The following HPCAL1 variants were observed in gnomAD, a reference collection of about 807,000 sequenced individuals.
HPCAL1 encodes the protein hippocalcin like 1, also known as hippocalcin-like protein 1.
A neutral mutation model predicts 17.1 loss-of-function variants in HPCAL1; 8 were observed. The ratio of observed to expected loss-of-function variants is 0.47; its 90% CI spans 0.27 to 0.84. The LOEUF (loss-of-function observed/expected upper bound fraction) is 0.84, where lower values mean the gene tolerates loss of function less well. Among genes scored for constraint, HPCAL1 ranks in the 40% least tolerant of loss-of-function variants. The pLI, the probability that HPCAL1 is intolerant of heterozygous loss-of-function variation, is 0.13. For missense variants in HPCAL1, 165 were observed against 271.1 expected (o/e 0.61, Z 2.75); for synonymous variants, 112 against 111.4 (o/e 1.01, Z -0.03).
chr2:10,378,651 G>A (rs1044989844), intron 1 of HPCAL1, among the ~76,000 whole-genome samples: 2 of 152,070 alleles, frequency 1.3e-5, no homozygotes, highest in African/African-American at 2.4e-5. Flanking sequence ...ACTTTCCAAA[G>A]GCCCCACCCC....
intron 1 of HPCAL1, among the ~76,000 whole-genome samples, chr2:10,361,085 C>G (rs1355720783): frequency 6.9e-6 from 1 of 144,618 alleles, no homozygotes; most frequent in African/African-American, 2.6e-5. Flanking sequence ...TTCTGTCATA[C>G]TAGATGAGAC....
In HPCAL1 at chr2:10,375,808, G is replaced by A. The variant is rs992385030; in HGVS notation, c.-110-21027G>A. ...ACTCAGCAGGTGCTGGCTCCCTTAC[G>A]GCCCGAAGGAATCGATTGACAAACT... On this transcript the variant is annotated intron_variant, in intron 1 of 4. Coordinates refer to ENST00000307845, the MANE Select transcript of HPCAL1 (RefSeq NM_002149.4). 7.9e-5 allele frequency among the ~76,000 whole-genome samples: 12 copies of A among 152,276 alleles called. 1 individual carries two copies. Among genetic ancestry groups the A allele is most frequent in the African/African-American group, 2.2e-4 (9 of 41,538 alleles).
At chr2:10,316,386 T>C (rs974349278) in intron 1 of HPCAL1, among the ~76,000 whole-genome samples, 1 of 152,180 alleles carries the variant, frequency 6.6e-6, no homozygotes, top group African/African-American at 2.4e-5. Context: ...CTCTAGCCCC[T>C]GTGAATTGGA....
chr2:10,386,373 A>ATGTT (rs986064905), intron 1 of HPCAL1, among the ~76,000 whole-genome samples: 1 of 152,016 alleles, frequency 6.6e-6, no homozygotes, highest in African/African-American at 2.4e-5. Context: ...CATTCATTTA[A>ATGTT]TGTTTATTCT....
chr2:10,399,693 T>C (rs1466048841), intron 2 of HPCAL1, among the ~76,000 whole-genome samples: 1 of 151,922 alleles, frequency 6.6e-6, no homozygotes, highest in African/African-American at 2.4e-5. Flanking sequence ...TGATGGGCAC[T>C]GGAAGGGCCT....
At chr2:10,393,893 T>C (rs1345985979) in intron 1 of HPCAL1, among the ~76,000 whole-genome samples, 1 of 149,176 alleles carries the variant, frequency 6.7e-6, no homozygotes, top group African/African-American at 2.5e-5. Context: ...GGCAGGCAGA[T>C]GGCTTGAGCC....
intron 1 of HPCAL1, among the ~76,000 whole-genome samples, chr2:10,378,672 C>T (rs1667744783): frequency 1.3e-5 from 2 of 152,172 alleles, no homozygotes; most frequent in African/African-American, 2.4e-5. Context: ...CTACCACCAT[C>T]GCCCTCGGGG....
At chr2:10,316,015 AC>A (rs974316734) in intron 1 of HPCAL1, among the ~76,000 whole-genome samples, 3 of 152,216 alleles carry the variant, frequency 2.0e-5, no homozygotes, top group African/African-American at 7.2e-5. Context: ...TCAAAAAAAA[AC>A]AACATCCAGA....
At chr2:10,372,743 C>T (rs999286888) in intron 1 of HPCAL1, among the ~76,000 whole-genome samples, 11 of 152,366 alleles carry the variant, frequency 7.2e-5, no homozygotes, top group Non-Finnish European at 1.0e-4. Flanking sequence ...CTCAGAAGGG[C>T]ATCACCTGTG....
chr2:10,371,934 G>A (rs1405481679), intron 1 of HPCAL1, among the ~76,000 whole-genome samples: 5 of 152,196 alleles, frequency 3.3e-5, no homozygotes, highest in Non-Finnish European at 5.9e-5. Flanking sequence ...GGGCCCAACC[G>A]CCTCCTCCAG....
chr2:10,399,188 G>A (rs369987597), intron 2 of HPCAL1, among the ~76,000 whole-genome samples: 2 of 109,786 alleles, frequency 1.8e-5, no homozygotes, highest in South Asian at 2.7e-4. Context: ...TTCAGTGCAC[G>A]CACAGCAAAT....
intron 1 of HPCAL1, among the ~76,000 whole-genome samples, chr2:10,327,397 C>T (rs1364364776): frequency 5.9e-5 from 9 of 152,122 alleles, no homozygotes; most frequent in Non-Finnish European, 1.0e-4. Flanking sequence ...GAGTGGCTAG[C>T]GTCAGGTGGG....
chr2:10,408,215 AAAG>A (rs1326180278), intron 2 of HPCAL1, among the ~76,000 whole-genome samples: 2 of 152,208 alleles, frequency 1.3e-5, no homozygotes, highest in African/African-American at 2.4e-5. Flanking sequence ...AGAGGGTGGA[AAAG>A]AAGGAGAGAT....
chr2:10,386,729 G>T (rs1218272001), intron 1 of HPCAL1, among the ~76,000 whole-genome samples: 1 of 152,204 alleles, frequency 6.6e-6, no homozygotes, highest in Non-Finnish European at 1.5e-5. Flanking sequence ...GAGCTTGGTG[G>T]AGGAGACCAC....
intron 1 of HPCAL1, among the ~76,000 whole-genome samples, chr2:10,309,518 G>A (rs1470065987): frequency 1.3e-5 from 2 of 152,122 alleles, no homozygotes; most frequent in Non-Finnish European, 2.9e-5. Flanking sequence ...TTTCCTGTAC[G>A]AGTCTTGTCA....
intron 1 of HPCAL1, among the ~76,000 whole-genome samples, chr2:10,371,741 G>A (rs1256011750): frequency 6.6e-6 from 1 of 152,200 alleles, no homozygotes; most frequent in Non-Finnish European, 1.5e-5. Flanking sequence ...ACTGGACCTG[G>A]GCCTGCCCGG....
chr2:10,373,148 GA>G (rs1171071953), intron 1 of HPCAL1, among the ~76,000 whole-genome samples: 10 of 152,386 alleles, frequency 6.6e-5, no homozygotes, highest in Middle Eastern at 3.4e-3. Context: ...CAGCAGGAGG[GA>G]TGAGTTGGGT....
chr2:10,397,381 A>T (rs1353823612), intron 2 of HPCAL1, among the ~76,000 whole-genome samples: 1 of 151,966 alleles, frequency 6.6e-6, no homozygotes, highest in African/African-American at 2.4e-5. Flanking sequence ...GGTCAGGGCC[A>T]CTCAGCCCTC....
chr2:10,306,594 A>G (rs1200509711), intron 1 of HPCAL1, among the ~76,000 whole-genome samples: 1 of 152,210 alleles, frequency 6.6e-6, no homozygotes, highest in Non-Finnish European at 1.5e-5. Flanking sequence ...TTTTGGTGCC[A>G]GTTACCCTAC....
Sources: gnomAD v4.1 joint callset for allele counts (sites outside exome capture counted in the v4.1 genomes callset) on GRCh38, gnomAD v4.1.1 for gene constraint, MANE v1.5 for transcripts, NCBI Gene and HGNC (gene_info 2026-07-23, HGNC 2026-07-21) for gene names.